Variants in KIAA2012 observed in about 807,000 individuals in gnomAD.
The protein encoded by KIAA2012 is uncharacterized protein KIAA2012.
In KIAA2012, 125 loss-of-function variants were observed where a neutral mutation model predicts 150.6. The ratio of observed to expected loss-of-function variants is 0.83; its 90% CI spans 0.72 to 0.96. The LOEUF is 0.96. Among genes scored for constraint, KIAA2012 ranks in the 40% least tolerant of loss-of-function variants. The pLI, the probability that KIAA2012 is intolerant of heterozygous loss-of-function variation, is 0.00. For missense variants in KIAA2012, 1,219 were observed against 1,354.9 expected, an observed-to-expected ratio of 0.90 and a Z score of 1.57; for synonymous variants, 462 against 504.7, an observed-to-expected ratio of 0.92 and a Z score of 1.13.
chr2:202,106,051 G>T (rs1261842799), intron 9 of KIAA2012, 141 bp downstream of exon 9: 3 of 1,534,494 alleles, frequency 2.0e-6, no homozygotes, highest in South Asian at 1.2e-5. Context: ...GATGGCCTTT[G>T]TGCAGGCAGC....
chr2:202,084,478 T>C lies in KIAA2012; in HGVS notation c.370-6292T>C, dbSNP rs187659272. Among the ~76,000 whole-genome samples, 2 of 152,254 alleles carry C rather than the reference T, an allele frequency of 1.3e-5. 1 individual carries two copies. Among genetic ancestry groups the C allele is most frequent in the Admixed American group, 1.3e-4 (2 of 15,292 alleles). On this transcript the variant is annotated intron_variant, in intron 2 of 23. Coordinates refer to ENST00000498697, the MANE Select transcript of KIAA2012 (RefSeq NM_001277372.4). ...AGTCCCTCGTTAAAGGAAGCACTCATGGTGGAATGTGGATAATAGGCCACC... is the reference window on the plus strand; with the variant it reads ...AGTCCCTCGTTAAAGGAAGCACTCACGGTGGAATGTGGATAATAGGCCACC...
intron 22 of KIAA2012, among the ~76,000 whole-genome samples, chr2:202,200,707 C>CTTTTT (rs3068268): frequency 0.5 from 61,885 of 123,410 alleles, 16,703 homozygotes; most frequent in East Asian, 0.58. Context: ...AATTTTGGAA[C>CTTTTT]TTTTTTTTTT....
At chr2:202,196,442 G>A (rs185992647) in intron 21 of KIAA2012, among the ~76,000 whole-genome samples, 3 of 151,836 alleles carry the variant, frequency 2.0e-5, no homozygotes, top group South Asian at 4.2e-4. Flanking sequence ...TGATCCGCCC[G>A]CCTCGGCCTC....
intron 23 of KIAA2012, among the ~76,000 whole-genome samples, chr2:202,203,568 C>T (rs1692572709): frequency 6.6e-6 from 1 of 152,196 alleles, no homozygotes; most frequent in African/African-American, 2.4e-5. Flanking sequence ...ATTTCAAGTG[C>T]TCAGTGGTCA....
intron 18 of KIAA2012, 54 bp downstream of exon 18, chr2:202,188,320 G>A (rs915314062): frequency 5.6e-6 from 8 of 1,419,148 alleles, no homozygotes; most frequent in South Asian, 2.5e-5. Context: ...GTTAGGGGTC[G>A]GGAGGTGGTA....
intron 9 of KIAA2012, among the ~76,000 whole-genome samples, chr2:202,108,249 G>A (rs961335107): frequency 2.0e-5 from 3 of 152,158 alleles, no homozygotes; most frequent in Non-Finnish European, 4.4e-5. Flanking sequence ...TTAACCATCT[G>A]AGAGTAAGTT....
chr2:202,133,202 C>A (rs1204982838), intron 12 of KIAA2012, among the ~76,000 whole-genome samples: 1 of 148,136 alleles, frequency 6.8e-6, no homozygotes, highest in African/African-American at 2.5e-5. Context: ...TGCAGTTCCA[C>A]CTTCAGCCTT....
intron 15 of KIAA2012, 134 bp downstream of exon 15, chr2:202,165,490 G>A (rs1691738266): frequency 1.3e-6 from 1 of 792,522 alleles, no homozygotes; most frequent in East Asian, 2.9e-5. Context: ...GTGAGGCCAA[G>A]GCGGGTGGAT....
At chr2:202,160,878 A>G (rs377024985) in intron 14 of KIAA2012, among the ~76,000 whole-genome samples, 12 of 152,224 alleles carry the variant, frequency 7.9e-5, no homozygotes, top group African/African-American at 2.6e-4. Flanking sequence ...AGGTTCTATG[A>G]TAGGTCATGC....
intron 4 of KIAA2012, among the ~76,000 whole-genome samples, chr2:202,095,330 T>A (rs1385357186): frequency 6.6e-6 from 1 of 152,208 alleles, no homozygotes; most frequent in Non-Finnish European, 1.5e-5. Flanking sequence ...TCTGAAGAAG[T>A]AGCAAAAGTC....
At chr2:202,127,044 C>T (rs1690808100) in intron 12 of KIAA2012, among the ~76,000 whole-genome samples, 1 of 152,012 alleles carries the variant, frequency 6.6e-6, no homozygotes, top group South Asian at 2.1e-4. Flanking sequence ...CATCAGACAC[C>T]CTTTTGTGGG....
At chr2:202,127,457 G>A (rs1690821584) in intron 12 of KIAA2012, among the ~76,000 whole-genome samples, 1 of 152,182 alleles carries the variant, frequency 6.6e-6, no homozygotes, top group Non-Finnish European at 1.5e-5. Context: ...TGAGTAATTT[G>A]GAAGTATATA....
intron 12 of KIAA2012, among the ~76,000 whole-genome samples, chr2:202,130,621 A>G (rs968650238): frequency 2.0e-5 from 3 of 152,188 alleles, no homozygotes; most frequent in Admixed American, 1.3e-4. Flanking sequence ...CATCACAACT[A>G]TAAAGAAGCT....
intron 20 of KIAA2012, 136 bp from the exon 21 acceptor site, chr2:202,194,054 G>C: frequency 1.1e-6 from 1 of 921,370 alleles, no homozygotes; most frequent in South Asian, 1.9e-5. Flanking sequence ...TTGGAAAACT[G>C]AGTCTCCTGG....
Position 202,183,676 on chromosome 2 carries a change from T to C in KIAA2012, c.2120-1077T>C, listed in dbSNP as rs558032978. 3.3e-5 allele frequency among the ~76,000 whole-genome samples: 5 copies of C among 152,050 alleles called. No homozygotes were observed. The South Asian group carries it at 1.0e-3, about 32-fold the overall frequency. On this transcript the variant is annotated intron_variant, in intron 15 of 23. Transcript: ENST00000498697. ...GCACCACCACCACACCCAGCTAATT[T>C]TGTATTTTTAGTAGAGATGGGGTTT...
At chr2:202,139,916 A>T (rs1174900353) in intron 13 of KIAA2012, among the ~76,000 whole-genome samples, 1 of 152,144 alleles carries the variant, frequency 6.6e-6, no homozygotes, top group Non-Finnish European at 1.5e-5. Context: ...ATTCCAAAAG[A>T]GCTACTATCA....
chr2:202,118,936 C>A (rs1426625436), intron 11 of KIAA2012, among the ~76,000 whole-genome samples: 2 of 152,196 alleles, frequency 1.3e-5, no homozygotes, highest in African/African-American at 4.8e-5. Flanking sequence ...ACTTCCCTAC[C>A]TCATATGTAG....
intron 14 of KIAA2012, among the ~76,000 whole-genome samples, chr2:202,161,966 T>C (rs541289362): frequency 4.6e-5 from 7 of 152,354 alleles, no homozygotes; most frequent in African/African-American, 1.7e-4. Flanking sequence ...ATCACTCTGT[T>C]TTAATCATGC....
intron 14 of KIAA2012, among the ~76,000 whole-genome samples, chr2:202,159,990 AG>A (rs1691614711): frequency 6.6e-6 from 1 of 152,216 alleles, no homozygotes; most frequent in Non-Finnish European, 1.5e-5. Flanking sequence ...ATCCCTGCTA[AG>A]GGCCAGGCCC....
Sources: allele counts gnomAD v4.1 joint callset (sites outside exome capture counted in the v4.1 genomes callset), GRCh38; gene constraint gnomAD v4.1.1; transcripts MANE v1.5; gene names NCBI Gene and HGNC (gene_info 2026-07-23, HGNC 2026-07-21).